RBFOX1: variants seen among roughly 807,000 people sequenced by gnomAD.
RBFOX1 encodes the protein RNA binding protein fox-1 homolog 1.
In RBFOX1, 8 loss-of-function variants were observed where a neutral mutation model predicts 57.7. That is an observed-to-expected ratio of 0.14 (90% confidence interval 0.08 to 0.25). The LOEUF is 0.25. Ranked by LOEUF, RBFOX1 falls within the 10% of genes least tolerant of loss-of-function variation. The pLI is 1.00. For missense variants in RBFOX1, 611 were observed against 548.5 expected, an observed-to-expected ratio of 1.11 and a Z score of -1.14; for synonymous variants, 326 against 222.4, an observed-to-expected ratio of 1.47 and a Z score of -4.15.
At chr16:7,453,913 G>A (rs9922247) in intron 4 of RBFOX1, among the ~76,000 whole-genome samples, 1,533 of 152,292 alleles carry the variant, frequency 0.01, 32 homozygotes, top group African/African-American at 0.035. Flanking sequence ...TGGAGGAAGT[G>A]TTGGTCTTCT....
At chr16:6,204,221 GT>G (rs1004012962) in intron 1 of RBFOX1, among the ~76,000 whole-genome samples, 13 of 152,064 alleles carry the variant, frequency 8.5e-5, no homozygotes, top group African/African-American at 3.1e-4. Context: ...CACAAGGAGA[GT>G]TTTACAAGCT....
chr16:6,651,715 C>G (rs911972328), intron 2 of RBFOX1, among the ~76,000 whole-genome samples: 1 of 152,120 alleles, frequency 6.6e-6, no homozygotes, highest in Non-Finnish European at 1.5e-5. Flanking sequence ...GGCATACGCA[C>G]AAAAGACTTG....
intron 3 of RBFOX1, among the ~76,000 whole-genome samples, chr16:6,889,641 C>T (rs1270462832): frequency 1.3e-5 from 2 of 152,156 alleles, no homozygotes; most frequent in Admixed American, 1.3e-4. Flanking sequence ...ATCCGTAAGC[C>T]CATCCTCAAT....
chr16:6,314,083 C>A (rs538372553), intron 1 of RBFOX1, among the ~76,000 whole-genome samples: 1 of 152,108 alleles, frequency 6.6e-6, no homozygotes, highest in African/African-American at 2.4e-5. Flanking sequence ...CTCAGATGGA[C>A]ATGAAATTCA....
At chr16:6,260,292 G>C (rs1053115369) in intron 1 of RBFOX1, among the ~76,000 whole-genome samples, 9 of 152,144 alleles carry the variant, frequency 5.9e-5, no homozygotes, top group Non-Finnish European at 1.3e-4. Flanking sequence ...GTTTATGAAT[G>C]TTCCAGATTA....
In RBFOX1 at chr16:6,282,199, C is replaced by T. The variant is rs1461369309; in HGVS notation, c.-126-34796C>T. On this transcript the variant is annotated intron_variant, in intron 1 of 15. Coordinates refer to ENST00000550418, the MANE Select transcript of RBFOX1 (RefSeq NM_018723.4). ...GAAAAATCCCAGATTGCGCATAGAC[C>T]AGCATGCTTGATCTCTGAGACAGAT... Among the ~76,000 whole-genome samples, 3 of 152,124 alleles carry T rather than the reference C, an allele frequency of 2.0e-5. No individual in the cohort carries two copies. In the East Asian group the frequency reaches 5.8e-4, roughly 30 times the overall value.
At chr16:5,558,428 G>T (rs149197110) in intron 2 of RBFOX1, among the ~76,000 whole-genome samples, 84 of 152,216 alleles carry the variant, frequency 5.5e-4, no homozygotes, top group African/African-American at 1.9e-3. Flanking sequence ...GCATCGAGGA[G>T]ACTGAAGGAG....
intron 2 of RBFOX1, among the ~76,000 whole-genome samples, chr16:6,359,517 A>G (rs1190723633): frequency 6.6e-6 from 1 of 152,172 alleles, no homozygotes; most frequent in Non-Finnish European, 1.5e-5. Context: ...ATAATGAAAG[A>G]CACTCTTCCC....
intron 3 of RBFOX1, among the ~76,000 whole-genome samples, chr16:6,915,240 G>A (rs1392439584): frequency 1.3e-5 from 2 of 152,100 alleles, no homozygotes; most frequent in Non-Finnish European, 2.9e-5. Flanking sequence ...TGAAGCCTGT[G>A]GTCCTCAGCA....
intron 10 of RBFOX1, among the ~76,000 whole-genome samples, chr16:7,630,276 C>A (rs979219857): frequency 1.3e-5 from 2 of 152,026 alleles, no homozygotes; most frequent in African/African-American, 4.8e-5. Flanking sequence ...ATCTAGCTCC[C>A]TCCAATATTT....
At chr16:5,290,070 A>G (rs572734128) in intron 1 of RBFOX1, among the ~76,000 whole-genome samples, 2 of 152,392 alleles carry the variant, frequency 1.3e-5, no homozygotes, top group East Asian at 3.9e-4. Context: ...AACACGTGCT[A>G]CAACACGGAT....
rs146171319 is a variant in RBFOX1 at position 6,746,295 on chromosome 16, C to G, written c.-16+91645C>G. On this transcript the variant is annotated intron_variant, in intron 3 of 15. Coordinates refer to ENST00000550418, the MANE Select transcript of RBFOX1 (RefSeq NM_018723.4). ...AAATTCATATAGAAGTGGAAGTCAACTTGAATGGCCAAAATATCTTTGAAA... is the reference window on the plus strand; with the variant it reads ...AAATTCATATAGAAGTGGAAGTCAAGTTGAATGGCCAAAATATCTTTGAAA... Among the ~76,000 whole-genome samples, 7 of 152,054 alleles carry G rather than the reference C, an allele frequency of 4.6e-5. No individual in the cohort carries two copies. The East Asian group carries it at 9.7e-4, about 21-fold the overall frequency.
intron 1 of RBFOX1, among the ~76,000 whole-genome samples, chr16:5,331,294 T>C (rs1596543070): frequency 1.3e-5 from 2 of 152,382 alleles, no homozygotes; most frequent in East Asian, 1.9e-4. Context: ...TTGGGCTTCG[T>C]ATCAGTCAAC....
rs560231851 is a variant in RBFOX1 at position 5,716,331 on chromosome 16, G to A, written c.318+117370G>A. Among the ~76,000 whole-genome samples, 868 of 152,244 alleles carry A rather than the reference G, an allele frequency of 5.7e-3. 2 individuals are homozygous for A. Among genetic ancestry groups the A allele is most frequent in the Non-Finnish European group, 9.8e-3 (664 of 68,016 alleles). ...ACAGATAAACTTATGGGAGATTGTT[G>A]TACAGATTGTTTCATCCCCCAGGCA... On this transcript the variant is annotated intron_variant, in intron 3 of 19. Coordinates refer to the RBFOX1 transcript ENST00000641259.
chr16:7,437,588 TC>T (rs1313538978), intron 4 of RBFOX1, among the ~76,000 whole-genome samples: 4 of 152,072 alleles, frequency 2.6e-5, no homozygotes, highest in African/African-American at 9.7e-5. Flanking sequence ...ATGAAACTGC[TC>T]CCCGGCAACA....
chr16:7,564,332 G>C (rs2091171239), intron 5 of RBFOX1, among the ~76,000 whole-genome samples: 1 of 151,908 alleles, frequency 6.6e-6, no homozygotes, highest in South Asian at 2.1e-4. Context: ...GAGGTCAGGA[G>C]TTCAAGACCA....
chr16:6,099,765 A>G (rs2096282716), intron 1 of RBFOX1, among the ~76,000 whole-genome samples: 2 of 152,226 alleles, frequency 1.3e-5, no homozygotes, highest in African/African-American at 4.8e-5. Context: ...CTTTTACGAA[A>G]TAAGACAAAT....
At chr16:5,852,091 C>A (rs2056911615) in intron 3 of RBFOX1, among the ~76,000 whole-genome samples, 1 of 152,174 alleles carries the variant, frequency 6.6e-6, no homozygotes, top group African/African-American at 2.4e-5. Flanking sequence ...CTGAGAACAG[C>A]CTGCAGAGTG....
chr16:6,874,321 G>A (rs1402056513), intron 3 of RBFOX1, among the ~76,000 whole-genome samples: 1 of 151,854 alleles, frequency 6.6e-6, no homozygotes, highest in Non-Finnish European at 1.5e-5. Context: ...GACCAGCCTG[G>A]CCAACATGAT....
Sources: allele counts gnomAD v4.1 joint callset (sites outside exome capture counted in the v4.1 genomes callset), GRCh38; gene constraint gnomAD v4.1.1; transcripts MANE v1.5; gene names NCBI Gene and HGNC (gene_info 2026-07-23, HGNC 2026-07-21).